ATP2C2: variants seen among roughly 807,000 people sequenced by gnomAD.
ATP2C2 encodes the protein calcium-transporting ATPase type 2C member 2.
ATP2C2 carries 171 observed loss-of-function variants against 110.8 expected under a neutral mutation model. That is an observed-to-expected ratio of 1.54 (90% CI 1.36 to 1.75). The LOEUF (loss-of-function observed/expected upper bound fraction) is 1.75, where lower values mean the gene tolerates loss of function less well. ATP2C2 is among the 40% of genes most tolerant of loss of function. ATP2C2 has a pLI of 0.00. For synonymous variants in ATP2C2, 804 were observed against 508.4 expected, an observed-to-expected ratio of 1.58 and a Z score of -7.82; for missense variants, 1,963 against 1,235.0, an observed-to-expected ratio of 1.59 and a Z score of -8.84.
rs1159596678 is a variant in ATP2C2 at position 84,439,213 on chromosome 16, T to G, written c.1034T>G (p.Val345Gly). ...IPEGLPIVVM[V>G]TLVLGVLRMA... Reference sequence around the variant, plus strand: ...GAGGGTCTGCCCATCGTCGTCATGGTGACGCTGGTCCTGGGAGTGCTGCGG... The same window carrying G: ...GAGGGTCTGCCCATCGTCGTCATGGGGACGCTGGTCCTGGGAGTGCTGCGG... Residue 345 changes from valine to glycine, a missense_variant, in exon 12 of 27, where the codon GTG becomes GGG. Val to Gly is a moderately radical substitution (Grantham distance 109). Coordinates refer to ENST00000262429, the MANE Select transcript of ATP2C2 (RefSeq NM_014861.4). 6.2e-7 allele frequency: 1 copy of G among 1,612,298 alleles called. No homozygotes were observed. Among genetic ancestry groups the G allele is most frequent in the South Asian group, 1.1e-5 (1 of 90,992 alleles).
intron 7 of ATP2C2, among the ~76,000 whole-genome samples, chr16:84,416,186 G>A (rs560308684): frequency 7.3e-4 from 111 of 152,270 alleles, no homozygotes; most frequent in African/African-American, 2.2e-3. Flanking sequence ...TTAGAGTAGT[G>A]AGGTTTGGGG....
intron 7 of ATP2C2, 80 bp downstream of exon 7, chr16:84,415,671 G>GTA (rs1249838323): frequency 2.2e-5 from 26 of 1,161,916 alleles, no homozygotes; most frequent in East Asian, 1.2e-4. Context: ...TTGTAGGCAT[G>GTA]TATAGTCTCT....
intron 1 of ATP2C2, among the ~76,000 whole-genome samples, chr16:84,392,244 C>A (rs1597749049): frequency 6.6e-6 from 1 of 152,140 alleles, no homozygotes; most frequent in East Asian, 1.9e-4. Context: ...TTCTGCATAT[C>A]TATGGCTAAA....
intron 15 of ATP2C2, among the ~76,000 whole-genome samples, chr16:84,445,579 A>C (rs1402653424): frequency 6.6e-6 from 1 of 152,124 alleles, no homozygotes; most frequent in African/African-American, 2.4e-5. Context: ...ATATCTGCAA[A>C]GGCGCTATTC....
At chr16:84,439,686 C>T (rs1324727561) in intron 13 of ATP2C2, among the ~76,000 whole-genome samples, 162 bp downstream of exon 13, 1 of 152,166 alleles carries the variant, frequency 6.6e-6, no homozygotes, top group Admixed American at 6.5e-5. Context: ...TTTTAATCAT[C>T]CCATACTTCC....
At position 84,462,398 on chromosome 16, in the gene ATP2C2, G is replaced by T. The variant is rs410471; in HGVS notation, c.2722+269G>T. On this transcript the variant is annotated intron_variant, in intron 26 of 26. Coordinates refer to ENST00000262429, the MANE Select transcript of ATP2C2 (RefSeq NM_014861.4). ...AAGGGGCACCGGCATCCCAGGCGTCGGGCTGGAGGCTCAGAGCACGTGCAG... is the reference window on the plus strand; with the variant it reads ...AAGGGGCACCGGCATCCCAGGCGTCTGGCTGGAGGCTCAGAGCACGTGCAG... 2.1e-5 allele frequency: 8 copies of T among 389,094 alleles called. No individual in the cohort carries two copies. The East Asian group carries it at 2.1e-4, about 10-fold the overall frequency. The allele number at this position is 389,094 out of a possible 1,614,324, so 24.1% of individuals were successfully genotyped here.
chr16:84,433,965 G>T (rs1434163218), intron 11 of ATP2C2, among the ~76,000 whole-genome samples: 1 of 152,054 alleles, frequency 6.6e-6, no homozygotes, highest in African/African-American at 2.4e-5. Context: ...CCTCTCATTT[G>T]TCATTTTGAA....
At chr16:84,460,009 C>T (rs1273400908) in intron 23 of ATP2C2, 5 of 236,188 alleles carry the variant, frequency 2.1e-5, no homozygotes, top group Non-Finnish European at 3.4e-5. Context: ...GTGTGCGTAA[C>T]CGTATGAGCA....
intron 13 of ATP2C2, 127 bp downstream of exon 13, chr16:84,439,651 T>G (rs1297415611): frequency 2.2e-6 from 2 of 898,594 alleles, no homozygotes; most frequent in African/African-American, 1.7e-5. Context: ...TCTTATAATC[T>G]CCTTGCTAAC....
chr16:84,460,984 A>G (rs1481808773), intron 24 of ATP2C2, 183 bp downstream of exon 24: 1 of 825,630 alleles, frequency 1.2e-6, no homozygotes, highest in Non-Finnish European at 1.8e-6. Context: ...TGACCCTTGA[A>G]AGAAGGGAGG....
chr16:84,436,865 C>T (rs447481), intron 11 of ATP2C2, among the ~76,000 whole-genome samples: 124,046 of 150,760 alleles, frequency 0.82, 51,154 homozygotes, highest in East Asian at 0.95. Context: ...CAGGTTCAAG[C>T]GATTCTCCTG....
intron 10 of ATP2C2, 104 bp from the exon 11 acceptor site, chr16:84,425,631 T>G (rs1267954133): frequency 1.6e-6 from 2 of 1,275,148 alleles, no homozygotes; most frequent in East Asian, 4.6e-5. Flanking sequence ...CGTTCCTCTG[T>G]GCATGCATTC....
In ATP2C2 at chr16:84,415,555, C is replaced by T. The variant is rs3743651; in HGVS notation, c.588C>T (p.Ile196=). The T allele has an allele frequency of 0.072, 116,003 of 1,613,884 alleles. 4,743 individuals carry two copies. The highest frequency in any genetic ancestry group is 0.15 in the East Asian group (6,612 of 44,866). The change falls in exon 7 of 27, where the codon ATC becomes ATT. Residue 196 remains isoleucine (I), a synonymous_variant. Coordinates refer to ENST00000262429, the MANE Select transcript of ATP2C2 (RefSeq NM_014861.4). The part of the protein sequence containing the change: ...LVPGDVVSLS[I]GDRIPADIRL... The stretch of plus-strand genomic sequence containing the variant: ...CTGGTGATGTCGTATCTCTCTCGAT[C>T]GGAGACCGGATCCCTGCAGACATCC...
chr16:84,410,739 C>T lies in ATP2C2; in HGVS notation c.489C>T (p.Thr163=). Residue 163 remains threonine (T), a synonymous_variant, in exon 6 of 27, where the codon ACC becomes ACT. Transcript: ENST00000262429. ...YRSEKSLEEL[T]KLVPPECNCL... ...CGGAGAAATCTCTGGAAGAGCTGAC[C>T]AAGCTGGTTCCTCCAGAATGTAACT... is the stretch of plus-strand genomic sequence containing the variant. 2 of 1,614,162 alleles carry T rather than the reference C, an allele frequency of 1.2e-6. No homozygotes were observed. Among genetic ancestry groups the T allele is most frequent in the Non-Finnish European group, 1.7e-6 (2 of 1,180,020 alleles).
In ATP2C2 at chr16:84,459,365, T is replaced by G. The variant is rs773598418; in HGVS notation, c.2312T>G (p.Met771Arg). ...AMQILWINII[M>R]DGPPAQSLGV... ...CAGATCCTATGGATCAACATCATCA[T>G]GGATGGGCCACCGGCGCAGAGGTGA... is the stretch of plus-strand genomic sequence containing the variant. The change falls in exon 23 of 27, where the codon ATG becomes AGG. Residue 771 changes from methionine (M) to arginine (R), a missense_variant. By Grantham distance (91) the Met-to-Arg change is moderately conservative (BLOSUM62 -1). Transcript: ENST00000262429. 1 of 1,614,050 alleles carries G rather than the reference T, an allele frequency of 6.2e-7. No homozygotes were observed. Among genetic ancestry groups the G allele is most frequent in the African/African-American group, 1.3e-5 (1 of 74,934 alleles).
intron 17 of ATP2C2, among the ~76,000 whole-genome samples, chr16:84,450,087 C>T (rs914614985): frequency 6.6e-6 from 1 of 152,240 alleles, no homozygotes; most frequent in East Asian, 1.9e-4. Context: ...CCAGGCCTTG[C>T]GGGAGAGCGT....
At chr16:84,442,675 G>C in intron 15 of ATP2C2, 76 bp downstream of exon 15, 1 of 1,425,948 alleles carries the variant, frequency 7.0e-7, no homozygotes, top group Non-Finnish European at 9.9e-7. Context: ...GCCAGCTCCT[G>C]TCTGAGCTAA....
chr16:84,374,355 G>C (rs534301507), intron 1 of ATP2C2, among the ~76,000 whole-genome samples: 300 of 152,324 alleles, frequency 2.0e-3, no homozygotes, highest in African/African-American at 7.0e-3. Context: ...GTGCTGTGAT[G>C]GTTGTCATGG....
intron 11 of ATP2C2, among the ~76,000 whole-genome samples, chr16:84,437,639 C>T (rs1425006349): frequency 6.6e-6 from 1 of 152,208 alleles, no homozygotes; most frequent in Non-Finnish European, 1.5e-5. Context: ...CCTCAGCCTC[C>T]TGAGTACCTG....
Sources: gnomAD v4.1 joint callset for allele counts (sites outside exome capture counted in the v4.1 genomes callset) on GRCh38, gnomAD v4.1.1 for gene constraint, MANE v1.5 for transcripts, NCBI Gene and HGNC (gene_info 2026-07-23, HGNC 2026-07-21) for gene names.